Variants in SGCZ observed in about 807,000 individuals in gnomAD.
The protein encoded by SGCZ is zeta-sarcoglycan.
In SGCZ, 40 loss-of-function variants were observed where a neutral mutation model predicts 41.3. That is an observed-to-expected ratio of 0.97 (90% CI 0.75 to 1.26). The LOEUF is 1.26. Ranked by LOEUF, SGCZ falls within the 50% of genes most tolerant of loss-of-function variation. The probability of loss-of-function intolerance (pLI) is 0.00; values close to 1 mark genes in which losing one functional copy is unlikely to be tolerated. For synonymous variants in SGCZ, 206 were observed against 137.5 expected (o/e 1.50, Z -3.49); for missense variants, 552 against 369.8 (o/e 1.49, Z -4.04).
intron 2 of SGCZ, among the ~76,000 whole-genome samples, chr8:14,533,323 T>G (rs1380996067): frequency 4.7e-5 from 7 of 149,378 alleles, no homozygotes; most frequent in Non-Finnish European, 7.4e-5. Context: ...CATTTTTGTA[T>G]TAGCAACACT....
At chr8:14,776,832 A>G (rs1438333475) in intron 1 of SGCZ, among the ~76,000 whole-genome samples, 1 of 152,198 alleles carries the variant, frequency 6.6e-6, no homozygotes, top group Non-Finnish European at 1.5e-5. Flanking sequence ...CAAAAAGTAG[A>G]AATGGTTAAA....
At chr8:14,835,988 G>A (rs1004598580) in intron 1 of SGCZ, among the ~76,000 whole-genome samples, 18 of 152,132 alleles carry the variant, frequency 1.2e-4, no homozygotes, top group African/African-American at 3.9e-4. Flanking sequence ...TGCCCAGCAC[G>A]TGAGACTTGA....
chr8:15,200,985 T>C (rs268370), intron 1 of SGCZ, among the ~76,000 whole-genome samples: 133,101 of 152,142 alleles, frequency 0.87, 58,382 homozygotes, highest in Non-Finnish European at 0.9. Flanking sequence ...ACTCTCTCCC[T>C]TCCCCCACTA....
chr8:14,979,803 G>C (rs1801603430), intron 1 of SGCZ, among the ~76,000 whole-genome samples: 1 of 152,220 alleles, frequency 6.6e-6, no homozygotes. Flanking sequence ...GTGATGACAA[G>C]TAATCCTTAA....
At chr8:14,915,567 G>GT (rs1216813947) in intron 1 of SGCZ, among the ~76,000 whole-genome samples, 2 of 152,098 alleles carry the variant, frequency 1.3e-5, no homozygotes, top group Non-Finnish European at 2.9e-5. Flanking sequence ...CACGTGTAGA[G>GT]TAAAAAGCAG....
intron 1 of SGCZ, among the ~76,000 whole-genome samples, chr8:15,028,543 T>C (rs1803539487): frequency 6.6e-6 from 1 of 151,948 alleles, no homozygotes; most frequent in South Asian, 2.1e-4. Flanking sequence ...TAAGGAACAC[T>C]ATCGTCTTTC....
At chr8:14,433,831 C>T (rs563175454) in intron 2 of SGCZ, among the ~76,000 whole-genome samples, 35 of 152,138 alleles carry the variant, frequency 2.3e-4, no homozygotes, top group Non-Finnish European at 4.0e-4. Context: ...TTGGAAAACA[C>T]TGGATTCATC....
intron 1 of SGCZ, among the ~76,000 whole-genome samples, chr8:14,767,447 C>G (rs1170692844): frequency 6.6e-6 from 1 of 152,298 alleles, no homozygotes; most frequent in Non-Finnish European, 1.5e-5. Context: ...ATCATATTTT[C>G]TCAATTTTAC....
chr8:14,529,142 G>A (rs1268091054), intron 2 of SGCZ, among the ~76,000 whole-genome samples: 8 of 152,118 alleles, frequency 5.3e-5, no homozygotes, highest in African/African-American at 1.9e-4. Flanking sequence ...AGTTCAGCAT[G>A]TATGTCCACT....
At chr8:14,352,568 T>C (rs55929682) in intron 2 of SGCZ, among the ~76,000 whole-genome samples, 61 of 152,240 alleles carry the variant, frequency 4.0e-4, no homozygotes, top group Non-Finnish European at 7.6e-4. Context: ...TGGGATTCTC[T>C]AGTGCCTCTG....
At chr8:14,309,192 A>G (rs1801444485) in intron 3 of SGCZ, 5 of 1,484,564 alleles carry the variant, frequency 3.4e-6, no homozygotes, top group South Asian at 1.1e-5. Context: ...TGGCAAGCAA[A>G]CCTGCTGCGG....
At chr8:15,172,848 A>G (rs1761684927) in intron 1 of SGCZ, among the ~76,000 whole-genome samples, 1 of 152,230 alleles carries the variant, frequency 6.6e-6, no homozygotes, top group African/African-American at 2.4e-5. Flanking sequence ...CTTCATAGCA[A>G]TATATAAATG....
chr8:14,838,425 G>A (rs1802780573), intron 1 of SGCZ, among the ~76,000 whole-genome samples: 1 of 152,050 alleles, frequency 6.6e-6, no homozygotes, highest in South Asian at 2.1e-4. Flanking sequence ...AACCAATCTG[G>A]AGGCATGCCT....
intron 1 of SGCZ, among the ~76,000 whole-genome samples, chr8:14,770,379 G>A (rs2255912): frequency 6.6e-6 from 1 of 151,170 alleles, no homozygotes; most frequent in Non-Finnish European, 1.5e-5. Flanking sequence ...TGAATAAATA[G>A]TTTTAAAATG....
chr8:14,461,935 A>G (rs1193018900), intron 2 of SGCZ, among the ~76,000 whole-genome samples: 1 of 152,070 alleles, frequency 6.6e-6, no homozygotes, highest in East Asian at 1.9e-4. Context: ...GTTGTTATAT[A>G]ATGCTTCCAC....
intron 1 of SGCZ, among the ~76,000 whole-genome samples, chr8:14,698,443 A>C (rs1809033893): frequency 6.6e-6 from 1 of 151,962 alleles, no homozygotes; most frequent in South Asian, 2.1e-4. Flanking sequence ...GTAATGAAAA[A>C]ATACAATTTA....
At chr8:14,496,046 G>A (rs770823205) in intron 2 of SGCZ, among the ~76,000 whole-genome samples, 46 of 152,140 alleles carry the variant, frequency 3.0e-4, no homozygotes, top group Middle Eastern at 3.4e-3. Context: ...TGGAAAGATC[G>A]TGTGGTCTCC....
chr8:15,141,341 T>C (rs1241672991), intron 1 of SGCZ, among the ~76,000 whole-genome samples: 1 of 152,220 alleles, frequency 6.6e-6, no homozygotes. Context: ...TACACAGTAT[T>C]TCAATGAGTC....
At chr8:14,168,818 T>A (rs147248347) in intron 4 of SGCZ, among the ~76,000 whole-genome samples, 75 of 152,302 alleles carry the variant, frequency 4.9e-4, no homozygotes, top group Non-Finnish European at 9.1e-4. Flanking sequence ...ATTGCCTACT[T>A]TTTCTTTACT....
Sources: allele counts gnomAD v4.1 joint callset (sites outside exome capture counted in the v4.1 genomes callset), GRCh38; gene constraint gnomAD v4.1.1; transcripts MANE v1.5; gene names NCBI Gene and HGNC (gene_info 2026-07-23, HGNC 2026-07-21).